The following PCDHA1 variants were observed in gnomAD, a reference collection of about 807,000 sequenced individuals.
PCDHA1 encodes the protein protocadherin alpha 1.
Under a neutral mutation model 61.3 loss-of-function variants are expected in PCDHA1, and 42 were observed. That is an observed-to-expected ratio of 0.69 (90% CI 0.54 to 0.89). The LOEUF is 0.89. Ranked by LOEUF, PCDHA1 falls within the 40% of genes least tolerant of loss-of-function variation. The probability of loss-of-function intolerance (pLI) is 0.00; values close to 1 mark genes in which losing one functional copy is unlikely to be tolerated. For missense variants in PCDHA1, 1,256 were observed against 1,235.3 expected (o/e 1.02, Z -0.25); for synonymous variants, 610 against 553.8 (o/e 1.10, Z -1.43).
At chr5:140,967,958 CG>C in intron 1 of PCDHA1, 1 of 1,614,182 alleles carries the variant, frequency 6.2e-7, no homozygotes, top group Non-Finnish European at 8.5e-7. Flanking sequence ...AGGCCCCAAC[CG>C]GAAAGTGAGC....
Position 140,848,427 on chromosome 5 carries a change from A to G in PCDHA1, c.2394+59743A>G, listed in dbSNP as rs1781513413. The G allele has an allele frequency of 2.1e-6, 3 of 1,451,764 alleles. No homozygotes were observed. In the African/African-American group the frequency reaches 4.2e-5, roughly 20 times the overall value. The allele number at this position is 1,451,764 out of a possible 1,614,324, so 89.9% of individuals were successfully genotyped here. A position where few individuals can be genotyped will look rare whatever the true frequency, so the allele number is the denominator to read the frequency against. The stretch of plus-strand genomic sequence containing the variant: ...TGGCGAACACAGCAGAATGGGACTG[A>G]CGAAATCAGATGATTTCTTCTAATT... On this transcript the variant is annotated intron_variant, in intron 1 of 3. Coordinates refer to ENST00000504120, the MANE Select transcript of PCDHA1 (RefSeq NM_018900.4).
Position 140,843,852 on chromosome 5 carries a change from T to A in PCDHA1, c.2394+55168T>A, listed in dbSNP as rs1779120193. 7.3e-6 allele frequency: 7 copies of A among 964,906 alleles called. 1 individual carries two copies. The highest frequency in any genetic ancestry group is 1.1e-5 in the Non-Finnish European group (7 of 652,752). 59.8% of individuals were successfully genotyped at this position (964,906 alleles called of 1,614,324 possible). ...TTGTTTAGTTTTTAGAAACCTTTTA[T>A]AATTAATTGAATTTTCTCAGTGGCA... On this transcript the variant is annotated intron_variant, in intron 1 of 3. Transcript: ENST00000504120.
chr5:140,882,094 C>T, intron 1 of PCDHA1: 1 of 1,172,684 alleles, frequency 8.5e-7, no homozygotes, highest in Non-Finnish European at 1.2e-6. Context: ...TCACTGAGAA[C>T]GTTTCCGCGA....
chr5:141,001,489 T>C (rs2098020927), intron 3 of PCDHA1, among the ~76,000 whole-genome samples: 3 of 152,236 alleles, frequency 2.0e-5, no homozygotes. Context: ...GTGCTGGAAA[T>C]GCTAGCCCAG....
chr5:140,823,932 G>T (rs2150130492), intron 1 of PCDHA1: 2 of 1,613,980 alleles, frequency 1.2e-6, no homozygotes, highest in South Asian at 2.2e-5. Context: ...TGTACACCGC[G>T]CTGCGGTGCT....
Position 140,875,735 on chromosome 5 carries a change from C to G in PCDHA1, c.2394+87051C>G, listed in dbSNP as rs376701509. ...CAGAATGGCATTTTGTTTGTGAATT[C>G]TCGGATCGACCGCGAGAAGCTGTGC... is the stretch of plus-strand genomic sequence containing the variant. On this transcript the variant is annotated intron_variant, in intron 1 of 3. Coordinates refer to ENST00000504120, the MANE Select transcript of PCDHA1 (RefSeq NM_018900.4). The G allele has an allele frequency of 5.0e-5, 80 of 1,614,232 alleles. No individual in the cohort carries two copies. The South Asian group carries it at 5.4e-4, about 11-fold the overall frequency.
At chr5:140,952,352 A>G (rs2094730295) in intron 1 of PCDHA1, among the ~76,000 whole-genome samples, 1 of 103,372 alleles carries the variant, frequency 9.7e-6, no homozygotes, top group Non-Finnish European at 2.0e-5. Flanking sequence ...AAAAAAAAAA[A>G]AAGAAAGAAA....
At position 140,968,861 on chromosome 5, in the gene PCDHA1, C is replaced by G; in HGVS notation, c.2395-10088C>G. 1.9e-6 allele frequency: 3 copies of G among 1,614,182 alleles called. No homozygotes were observed. In the South Asian group the frequency reaches 3.3e-5, roughly 18 times the overall value. ...CACTCAGAGGCATGTTAAGAGCCCT[C>G]GGACATACTCTGAAATTACCCTTTA... is the stretch of plus-strand genomic sequence containing the variant. On this transcript the variant is annotated intron_variant, in intron 1 of 3. Coordinates refer to ENST00000504120, the MANE Select transcript of PCDHA1 (RefSeq NM_018900.4).
intron 1 of PCDHA1, chr5:140,857,205 G>A: frequency 6.3e-7 from 1 of 1,598,596 alleles, no homozygotes; most frequent in African/African-American, 1.3e-5. Flanking sequence ...CAGGTCACCT[G>A]CTCTCTGACG....
At chr5:140,864,310 A>G (rs2048415201) in intron 1 of PCDHA1, 1 of 152,166 alleles carries the variant, frequency 6.6e-6, no homozygotes, top group African/African-American at 2.4e-5. Flanking sequence ...TACCATGACA[A>G]TATTTAATAT....
At chr5:140,797,871 T>A (rs1762275608) in intron 1 of PCDHA1, among the ~76,000 whole-genome samples, 1 of 152,154 alleles carries the variant, frequency 6.6e-6, no homozygotes, top group Non-Finnish European at 1.5e-5. Context: ...TTTGTTTTTG[T>A]TGAGACAGTC....
At chr5:140,821,258 G>T (rs1766929634) in intron 1 of PCDHA1, among the ~76,000 whole-genome samples, 1 of 152,038 alleles carries the variant, frequency 6.6e-6, no homozygotes, top group South Asian at 2.1e-4. Context: ...ACTCTTAAAA[G>T]TTATTTTTAT....
At chr5:140,935,796 G>A (rs2090564598) in intron 1 of PCDHA1, among the ~76,000 whole-genome samples, 2 of 150,224 alleles carry the variant, frequency 1.3e-5, no homozygotes, top group African/African-American at 2.5e-5. Flanking sequence ...AAATATAAAC[G>A]AGATTATTTC....
chr5:141,007,755 CTT>C (rs2098344346), intron 3 of PCDHA1, among the ~76,000 whole-genome samples: 1 of 152,170 alleles, frequency 6.6e-6, no homozygotes, highest in Non-Finnish European at 1.5e-5. Context: ...ACTTTGGACT[CTT>C]ATTGGCCTGG....
chr5:140,823,963 G>A (rs1554129675), intron 1 of PCDHA1: 3 of 1,614,110 alleles, frequency 1.9e-6, no homozygotes, highest in South Asian at 2.2e-5. Context: ...CACCGAGGCC[G>A]TGTGCACACG....
At chr5:140,900,429 C>A (rs1202126306) in intron 1 of PCDHA1, among the ~76,000 whole-genome samples, 1 of 152,174 alleles carries the variant, frequency 6.6e-6, no homozygotes, top group East Asian at 1.9e-4. Context: ...AGGCACGTGC[C>A]ACCACGGCCG....
intron 1 of PCDHA1, among the ~76,000 whole-genome samples, chr5:140,922,915 A>G (rs1184691604): frequency 6.6e-6 from 1 of 152,224 alleles, no homozygotes; most frequent in Non-Finnish European, 1.5e-5. Context: ...ATACAAATAA[A>G]CTTCAGACTT....
chr5:140,843,125 G>A (rs2150353393), intron 1 of PCDHA1: 2 of 1,595,922 alleles, frequency 1.3e-6, no homozygotes, highest in East Asian at 2.2e-5. Flanking sequence ...CGCCGACTCG[G>A]GCTACAACGC....
chr5:140,867,399 A>G (rs1001723593), intron 1 of PCDHA1: 2 of 152,166 alleles, frequency 1.3e-5, no homozygotes, highest in Non-Finnish European at 2.9e-5. Context: ...AAAAGTTGAT[A>G]TGTCTCCTTT....
Sources: gnomAD v4.1 joint callset for allele counts (sites outside exome capture counted in the v4.1 genomes callset) on GRCh38, gnomAD v4.1.1 for gene constraint, MANE v1.5 for transcripts, NCBI Gene and HGNC (gene_info 2026-07-23, HGNC 2026-07-21) for gene names.